Variants in SNX24 observed in about 807,000 individuals in gnomAD.
SNX24 encodes sorting nexin 24.
Under a neutral mutation model 28.7 loss-of-function variants are expected in SNX24, and 22 were observed. The observed-to-expected ratio is 0.77, with a 90% CI of 0.55 to 1.10. The LOEUF (loss-of-function observed/expected upper bound fraction) is 1.10, where lower values mean the gene tolerates loss of function less well. SNX24 is among the 50% of genes least tolerant of loss of function. SNX24 has a pLI of 0.00. For missense variants in SNX24, 221 were observed against 201.1 expected (o/e 1.10, Z -0.60); for synonymous variants, 69 against 71.5 (o/e 0.96, Z 0.18).
chr5:123,007,570 G>C (rs1762458320), intron 6 of SNX24, 112 bp from the exon 7 acceptor site: 2 of 963,446 alleles, frequency 2.1e-6, no homozygotes, highest in Non-Finnish European at 1.5e-6. Context: ...GCAGATTCCT[G>C]TGTTTACCGT....
intron 1 of SNX24, among the ~76,000 whole-genome samples, chr5:122,862,864 T>C (rs1755535186): frequency 6.6e-6 from 1 of 152,004 alleles, no homozygotes; most frequent in Non-Finnish European, 1.5e-5. Context: ...ATATACCCTT[T>C]GAAACAACCT....
downstream of SNX24, chr5:123,009,253 A>G (rs371925970): frequency 2.2e-4 from 220 of 982,784 alleles, no homozygotes; most frequent in Non-Finnish European, 2.6e-4. Flanking sequence ...CATGGTTTGT[A>G]TCTGTCTGTT....
At chr5:122,961,191 A>C (rs775877601) in intron 3 of SNX24, among the ~76,000 whole-genome samples, 2 of 152,220 alleles carry the variant, frequency 1.3e-5, no homozygotes, top group Non-Finnish European at 2.9e-5. Flanking sequence ...GTTGGAATGC[A>C]GCAGGGAAGC....
intron 1 of SNX24, among the ~76,000 whole-genome samples, chr5:122,915,403 A>G (rs1161231550): frequency 6.6e-6 from 1 of 152,108 alleles, no homozygotes; most frequent in East Asian, 1.9e-4. Context: ...AGACAGGGTG[A>G]TTGCTTGAGC....
chr5:123,007,430 A>C (rs192550057), intron 6 of SNX24, among the ~76,000 whole-genome samples: 6 of 152,328 alleles, frequency 3.9e-5, no homozygotes, highest in Admixed American at 3.9e-4. Context: ...AACTGTTAGA[A>C]CATCCCTTAA....
In SNX24 at chr5:122,986,589, A is replaced by T. The variant is rs142533897; in HGVS notation, c.250-13323A>T. On this transcript the variant is annotated intron_variant, in intron 3 of 6. Coordinates refer to ENST00000261369, the MANE Select transcript of SNX24 (RefSeq NM_014035.4). Reference sequence around the variant, plus strand: ...AGCAACTCAAAAGCAACCTGTGGCCATGGCAAGCTGAGGATGGTGGAAGCC... The same window carrying T: ...AGCAACTCAAAAGCAACCTGTGGCCTTGGCAAGCTGAGGATGGTGGAAGCC... 2.6e-3 allele frequency among the ~76,000 whole-genome samples: 394 copies of T among 152,294 alleles called. 1 individual carries two copies. The highest frequency in any genetic ancestry group is 9.1e-3 in the African/African-American group (379 of 41,558).
At chr5:122,955,731 G>A (rs1335718151) in intron 3 of SNX24, among the ~76,000 whole-genome samples, 2 of 152,124 alleles carry the variant, frequency 1.3e-5, no homozygotes, top group Admixed American at 6.5e-5. Context: ...GGAGTACCTC[G>A]TTACTGCCAT....
At chr5:123,000,485 C>T (rs1296333556) in intron 4 of SNX24, among the ~76,000 whole-genome samples, 1 of 152,186 alleles carries the variant, frequency 6.6e-6, no homozygotes, top group Non-Finnish European at 1.5e-5. Context: ...GATCTCTTGC[C>T]TTGTAGCTTG....
At chr5:122,951,933 G>A (rs246328) in intron 3 of SNX24, among the ~76,000 whole-genome samples, 117,062 of 152,166 alleles carry the variant, frequency 0.77, 45,911 homozygotes, top group East Asian at 0.99. Flanking sequence ...CAGGTTGAGT[G>A]TTCCTCATCC....
chr5:122,910,775 A>G (rs1209057431), intron 1 of SNX24, among the ~76,000 whole-genome samples: 3 of 151,936 alleles, frequency 2.0e-5, no homozygotes, highest in African/African-American at 7.3e-5. Context: ...AATTTCATCC[A>G]TGTCCCTACA....
chr5:122,989,036 T>C lies in SNX24; in HGVS notation c.250-10876T>C, dbSNP rs181710755. 1.8e-4 allele frequency among the ~76,000 whole-genome samples: 28 copies of C among 152,326 alleles called. No homozygotes were observed. The East Asian group carries it at 4.0e-3, about 22-fold the overall frequency. ...ATTAAAAATAGAATATCAGAATTTC[T>C]TTTTCTTTTCTCTTTCTCTCTCTTT... On this transcript the variant is annotated intron_variant, in intron 3 of 6. Transcript: ENST00000261369.
intron 5 of SNX24, among the ~76,000 whole-genome samples, chr5:123,020,269 AG>A (rs1378770831): frequency 6.6e-6 from 1 of 152,252 alleles, no homozygotes; most frequent in Non-Finnish European, 1.5e-5. Flanking sequence ...ATTATTAAAA[AG>A]AAATGTACCC....
chr5:122,915,573 C>T (rs1758123145), intron 1 of SNX24, among the ~76,000 whole-genome samples: 1 of 152,164 alleles, frequency 6.6e-6, no homozygotes, highest in Non-Finnish European at 1.5e-5. Flanking sequence ...CTGCAGTGAG[C>T]TATGATTACG....
At chr5:122,862,884 T>C (rs987301930) in intron 1 of SNX24, among the ~76,000 whole-genome samples, 2 of 152,080 alleles carry the variant, frequency 1.3e-5, no homozygotes, top group Admixed American at 6.5e-5. Context: ...TTCCCACTTT[T>C]TAGTCTGTAT....
rs372721081 is a variant in SNX24, at chr5:123,001,327, T to A, written c.345-78T>A. ...AATTCAGTCATCTAATAATATTGGG[T>A]ATTTTTTCCTTTGTTGGCATAAACA... is the stretch of plus-strand genomic sequence containing the variant. On this transcript the variant is annotated intron_variant, in intron 4 of 6. Transcript: ENST00000261369. 1.0e-5 allele frequency: 9 copies of A among 901,400 alleles called. No homozygotes were observed. The South Asian group carries it at 1.3e-4, about 13-fold the overall frequency. 55.8% of individuals were successfully genotyped at this position (901,400 alleles called of 1,614,324 possible).
intron 3 of SNX24, among the ~76,000 whole-genome samples, chr5:122,996,072 C>G (rs560224866): frequency 6.6e-6 from 1 of 152,304 alleles, no homozygotes; most frequent in South Asian, 2.1e-4. Flanking sequence ...GAATTACTCT[C>G]TAGAATCGGT....
chr5:122,902,951 CTTA>C (rs553667880), intron 1 of SNX24, among the ~76,000 whole-genome samples: 321 of 152,230 alleles, frequency 2.1e-3, no homozygotes, highest in African/African-American at 7.2e-3. Context: ...TATCTTGCTA[CTTA>C]TTGTTCCCTA....
chr5:122,884,251 C>CTTTTTTTTTTTTTTTTTT (rs758617172), intron 1 of SNX24, among the ~76,000 whole-genome samples: 1 of 92,754 alleles, frequency 1.1e-5, no homozygotes, highest in African/African-American at 4.4e-5. Flanking sequence ...GTTTCTTTTT[C>CTTTTTTTTTTTTTTTTTT]TTTTTTTTTT....
intron 5 of SNX24, chr5:123,025,818 T>C (rs1762843138): frequency 6.2e-7 from 1 of 1,613,960 alleles, no homozygotes; most frequent in Non-Finnish European, 8.5e-7. Flanking sequence ...CACCACATGT[T>C]TGCCGTCCAA....
Sources: gnomAD v4.1 joint callset for allele counts (sites outside exome capture counted in the v4.1 genomes callset) on GRCh38, gnomAD v4.1.1 for gene constraint, MANE v1.5 for transcripts, NCBI Gene and HGNC (gene_info 2026-07-23, HGNC 2026-07-21) for gene names.